The following LRP2 variants were observed in gnomAD, a reference collection of about 807,000 sequenced individuals.
LRP2 encodes the protein LDL receptor related protein 2, also known as low-density lipoprotein receptor-related protein 2.
In LRP2, 172 loss-of-function variants were observed where a neutral mutation model predicts 531.0. The observed-to-expected ratio is 0.32, with a 90% CI of 0.29 to 0.37. LRP2 has a LOEUF of 0.37. Ranked by LOEUF, LRP2 falls within the 10% of genes least tolerant of loss-of-function variation. The probability of loss-of-function intolerance (pLI) is 1.00; values close to 1 mark genes in which losing one functional copy is unlikely to be tolerated. For missense variants in LRP2, 5,167 were observed against 5,868.3 expected (o/e 0.88, Z 3.90); for synonymous variants, 1,992 against 2,027.6 (o/e 0.98, Z 0.47).
rs370327183 is a variant in LRP2, at chr2:169,347,660, G to A, written c.79+14661C>T. ...AAACCCAGCAGAGAGAAATCAATCCGTACCTAAAAAGTACAGTCTTCTAGT... is the reference window on the plus strand; with the variant it reads ...AAACCCAGCAGAGAGAAATCAATCCATACCTAAAAAGTACAGTCTTCTAGT... On this transcript the variant is annotated intron_variant, in intron 1 of 78. Transcript: ENST00000649046. 5.7e-4 allele frequency among the ~76,000 whole-genome samples: 87 copies of A among 151,876 alleles called. 1 individual carries two copies. Among genetic ancestry groups the A allele is most frequent in the South Asian group, 3.1e-3 (15 of 4,808 alleles).
In LRP2 at chr2:169,294,269, A is replaced by T; in HGVS notation, c.539-8T>A. ...TGTGCAAGCATATCTCAGCTGCAACAGAAAGTTAAGAAGGGAAAGAAAAGA... is the reference window on the plus strand; with the variant it reads ...TGTGCAAGCATATCTCAGCTGCAACTGAAAGTTAAGAAGGGAAAGAAAAGA... On this transcript the variant is annotated splice_polypyrimidine_tract_variant and splice_region_variant and intron_variant, in intron 5 of 78. Transcript: ENST00000649046. 6.7e-7 allele frequency: 1 copy of T among 1,498,380 alleles called. No homozygotes were observed. Among genetic ancestry groups the T allele is most frequent in the Non-Finnish European group, 9.3e-7 (1 of 1,074,270 alleles). 92.8% of individuals were successfully genotyped at this position (1,498,380 alleles called of 1,614,324 possible).
At chr2:169,333,995 A>G (rs1172385495) in intron 1 of LRP2, among the ~76,000 whole-genome samples, 2 of 152,234 alleles carry the variant, frequency 1.3e-5, no homozygotes, top group Non-Finnish European at 2.9e-5. Flanking sequence ...TCACCAACTG[A>G]TACCCACGTG....
intron 52 of LRP2, among the ~76,000 whole-genome samples, chr2:169,179,526 G>A (rs112712481): frequency 0.018 from 2,672 of 152,090 alleles, 36 homozygotes; most frequent in African/African-American, 0.035. Flanking sequence ...TTCGAGACCA[G>A]CCTGACCAAC....
intron 50 of LRP2, among the ~76,000 whole-genome samples, chr2:169,183,439 T>C (rs1471933769): frequency 6.6e-6 from 1 of 152,210 alleles, no homozygotes; most frequent in African/African-American, 2.4e-5. Flanking sequence ...TGAACACTTG[T>C]TAAATGCCAG....
chr2:169,279,459 A>G lies in LRP2; in HGVS notation c.1478T>C (p.Met493Thr), dbSNP rs766383948. The G allele has an allele frequency of 1.6e-5, 26 of 1,613,954 alleles. No homozygotes were observed. In the South Asian group the frequency reaches 2.0e-4, roughly 12 times the overall value. ...CCGATAGCTTCCATCCAAATTTACC[A>G]TATCTATGCGGTTGACCTTGGTTTC... ...LVETKVNRID[M>T]VNLDGSYRVT... The change falls in exon 12 of 79, where the codon ATG (methionine) becomes ACG (threonine). Residue 493 changes from methionine (M) to threonine (T), a missense_variant. Coordinates refer to ENST00000649046, the MANE Select transcript of LRP2 (RefSeq NM_004525.3).
At position 169,225,305 on chromosome 2, in the gene LRP2, A is replaced by C. The variant is rs1363586276; in HGVS notation, c.5538+5T>G. 1 of 1,613,578 alleles carries C rather than the reference A, an allele frequency of 6.2e-7. No individual in the cohort carries two copies. The highest frequency in any genetic ancestry group is 1.3e-5 in the African/African-American group (1 of 75,034). On this transcript the variant is annotated splice_donor_5th_base_variant and intron_variant, in intron 33 of 78. Transcript: ENST00000649046. The stretch of plus-strand genomic sequence containing the variant: ...TTTGTGTAAGTAGTATTATGGAATC[A>C]TTACCTCGATTGACTGAGTTCTAGG...
chr2:169,339,545 G>GAAATTTA (rs1685506847), intron 1 of LRP2, among the ~76,000 whole-genome samples: 1 of 151,880 alleles, frequency 6.6e-6, no homozygotes, highest in Admixed American at 6.6e-5. Context: ...ATATTTCAAG[G>GAAATTTA]GTGTTTAAGA....
rs765884921 is a variant in LRP2 at position 169,206,774 on chromosome 2, T to C, written c.6946A>G (p.Ile2316Val). The change falls in exon 39 of 79, where the codon ATA (isoleucine) becomes GTA (valine). Residue 2316 changes from isoleucine to valine, a missense_variant. By Grantham distance (29) the Ile-to-Val change is conservative. This residue lies in a region of LRP2 where 2,811 missense variants were observed against 3,058.0 expected (regional missense o/e 0.92). Transcript: ENST00000649046. ...CTTAGCCAGTTGATATTGTCTCTTA[T>C]CACTGTGGGTGGCTCTGTGTTCTCT... ...EPENTEPPTV[I>V]RDNINWLRDV... is the part of the protein sequence containing the mutation. 3 of 1,614,040 alleles carry C rather than the reference T, an allele frequency of 1.9e-6. No homozygotes were observed. Among genetic ancestry groups the C allele is most frequent in the South Asian group, 1.1e-5 (1 of 91,078 alleles).
intron 50 of LRP2, among the ~76,000 whole-genome samples, chr2:169,183,704 C>T (rs1359467214): frequency 6.6e-6 from 1 of 152,190 alleles, no homozygotes; most frequent in Non-Finnish European, 1.5e-5. Context: ...GATATTCCGT[C>T]TCCACTACTG....
chr2:169,352,790 G>C (rs1268298130), intron 1 of LRP2, among the ~76,000 whole-genome samples: 1 of 146,930 alleles, frequency 6.8e-6, no homozygotes, highest in Non-Finnish European at 1.5e-5. Flanking sequence ...TCATAAGTGG[G>C]AGATGAACAA....
At chr2:169,133,212 A>G (rs1271203041) in intron 76 of LRP2, among the ~76,000 whole-genome samples, 2 of 152,220 alleles carry the variant, frequency 1.3e-5, no homozygotes, top group African/African-American at 4.8e-5. Context: ...GAATGATAGA[A>G]TTAATAATCT....
chr2:169,188,610 T>C (rs756790517), intron 48 of LRP2, among the ~76,000 whole-genome samples: 1 of 152,230 alleles, frequency 6.6e-6, no homozygotes, highest in Non-Finnish European at 1.5e-5. Flanking sequence ...GTTGATAAAC[T>C]AATTAAATAC....
At position 169,295,269 on chromosome 2, in the gene LRP2, T is replaced by C. The variant is rs889078791; in HGVS notation, c.428-559A>G. Among the ~76,000 whole-genome samples, 9 of 152,328 alleles carry C rather than the reference T, an allele frequency of 5.9e-5. No individual in the cohort carries two copies. The East Asian group carries it at 1.4e-3, about 23-fold the overall frequency. On this transcript the variant is annotated intron_variant, in intron 4 of 78. Coordinates refer to ENST00000649046, the MANE Select transcript of LRP2 (RefSeq NM_004525.3). ...TGACTCAAGCTTCATGTCCTCTCCATGTTGCTACTTCCCTATCTGCACATT... is the reference window on the plus strand; with the variant it reads ...TGACTCAAGCTTCATGTCCTCTCCACGTTGCTACTTCCCTATCTGCACATT...
intron 52 of LRP2, among the ~76,000 whole-genome samples, chr2:169,179,281 A>G (rs138203611): frequency 1.9e-3 from 296 of 152,276 alleles, no homozygotes; most frequent in African/African-American, 6.9e-3. Flanking sequence ...AGCTGGGACT[A>G]TAAGTGTGAG....
intron 28 of LRP2, 145 bp downstream of exon 28, chr2:169,236,958 C>A: frequency 2.9e-6 from 2 of 689,900 alleles, no homozygotes; most frequent in South Asian, 3.2e-5. Flanking sequence ...ATAGCAACAC[C>A]CAGTTGGACA....
rs1689676431 is a variant in LRP2, at chr2:169,238,227, T to C, written c.4370A>G (p.Asn1457Ser). 4 of 1,614,082 alleles carry C rather than the reference T, an allele frequency of 2.5e-6. No individual in the cohort carries two copies. Among genetic ancestry groups the C allele is most frequent in the South Asian group, 2.2e-5 (2 of 91,084 alleles). Residue 1457 changes from asparagine to serine, a missense_variant, in exon 27 of 79, where the codon AAT (asparagine) becomes AGT (serine). Around this residue, in one of 6 missense-constraint regions of LRP2, gnomAD observed 2,811 missense variants for 3,058.0 expected, o/e 0.92. Coordinates refer to ENST00000649046, the MANE Select transcript of LRP2 (RefSeq NM_004525.3). ...IADSVTSQVH[N>S]IYSLVENGSY... is the part of the protein sequence containing the mutation. ...ACCATTCTCGACCAATGAATAGATA[T>C]TGTGGACCTGGGAGGTGACACTGTC...
At chr2:169,213,513 T>A in intron 36 of LRP2, 144 bp downstream of exon 36, 1 of 775,886 alleles carries the variant, frequency 1.3e-6, no homozygotes, top group East Asian at 2.6e-5. Flanking sequence ...GACTTCATTA[T>A]CATTTTTTAA....
At chr2:169,281,942 C>T (rs765380611) in intron 10 of LRP2, among the ~76,000 whole-genome samples, 2 of 151,820 alleles carry the variant, frequency 1.3e-5, no homozygotes, top group Non-Finnish European at 2.9e-5. Context: ...AATAAAGAAA[C>T]GGCAATTACT....
At chr2:169,214,223 C>T (rs545459942) in intron 35 of LRP2, among the ~76,000 whole-genome samples, 12 of 152,274 alleles carry the variant, frequency 7.9e-5, no homozygotes, top group African/African-American at 2.9e-4. Flanking sequence ...CAGGAGCTGA[C>T]TCACCCTGAG....
Sources: gnomAD v4.1 joint callset for allele counts (sites outside exome capture counted in the v4.1 genomes callset) on GRCh38, gnomAD v4.1.1 for gene constraint, gnomAD v4.1.1 regional missense constraint, MANE v1.5 for transcripts, NCBI Gene and HGNC (gene_info 2026-07-23, HGNC 2026-07-21) for gene names.